The following UNC5A variants were observed in gnomAD, a reference collection of about 807,000 sequenced individuals.
UNC5A encodes unc-5 netrin receptor A, also known as netrin receptor UNC5A.
UNC5A carries 20 observed loss-of-function variants against 87.4 expected under a neutral mutation model. The ratio of observed to expected loss-of-function variants is 0.23; its 90% CI spans 0.16 to 0.33. The LOEUF is 0.33. Among genes scored for constraint, UNC5A ranks in the 10% least tolerant of loss-of-function variants. The pLI, the probability that UNC5A is intolerant of heterozygous loss-of-function variation, is 1.00. For missense variants in UNC5A, 844 were observed against 1,133.4 expected, an observed-to-expected ratio of 0.74 and a Z score of 3.67; for synonymous variants, 438 against 482.3, an observed-to-expected ratio of 0.91 and a Z score of 1.20.
chr5:176,869,821 G>A lies in UNC5A; in HGVS notation c.722-549G>A, dbSNP rs530125166. On this transcript the variant is annotated intron_variant, in intron 5 of 14. Transcript: ENST00000329542. The surrounding 1 kb of genome is among the most constrained non-coding windows in gnomAD (Gnocchi z 9.1). Reference sequence around the variant, plus strand: ...CGCCTCCCGCATCGTTCCTCACCACGCCATCTCCGTGCCCTGGCTCCATCG... The same window carrying A: ...CGCCTCCCGCATCGTTCCTCACCACACCATCTCCGTGCCCTGGCTCCATCG... 6.7e-5 allele frequency: 39 copies of A among 581,262 alleles called. No homozygotes were observed. Among genetic ancestry groups the A allele is most frequent in the African/African-American group, 3.1e-4 (16 of 52,446 alleles). The allele number at this position is 581,262 out of a possible 1,614,324, so 36.0% of individuals were successfully genotyped here.
intron 1 of UNC5A, among the ~76,000 whole-genome samples, chr5:176,826,611 C>A (rs370943369): frequency 1.3e-5 from 2 of 150,858 alleles, no homozygotes; most frequent in African/African-American, 4.9e-5. Context: ...TGTTATGCGA[C>A]CATCACTTCT....
At chr5:176,872,147 C>CA (rs1297249182) in intron 6 of UNC5A, among the ~76,000 whole-genome samples, 8 of 90,666 alleles carry the variant, frequency 8.8e-5, no homozygotes, top group African/African-American at 1.3e-4. Flanking sequence ...ACACTCGCCC[C>CA]ACACCACAGC....
chr5:176,831,885 C>CTCTTTTTTTTT lies in UNC5A; in HGVS notation c.70+21066_70+21067insCTTTTTTTTTT, dbSNP rs1561644956. 8.3e-4 allele frequency among the ~76,000 whole-genome samples: 23 copies of CTCTTTTTTTTT among 27,696 alleles called. 1 individual carries two copies. The highest frequency in any genetic ancestry group is 1.3e-3 in the African/African-American group (22 of 16,532). 18.2% of individuals were successfully genotyped at this position (27,696 alleles called of 152,430 possible). On this transcript the variant is annotated intron_variant, in intron 1 of 14. Coordinates refer to ENST00000329542, the MANE Select transcript of UNC5A (RefSeq NM_133369.3). ...TCACTTTCACACACTTTCTCTCTCT[C>CTCTTTTTTTTT]TTTTTTTTTTTTTTTTTTTTTTTTT...
intron 1 of UNC5A, among the ~76,000 whole-genome samples, chr5:176,843,116 G>A (rs1315388899): frequency 4.0e-5 from 6 of 150,824 alleles, no homozygotes; most frequent in South Asian, 2.1e-4. Flanking sequence ...AGCCGAGATC[G>A]CGTCATTGCA....
At position 176,874,684 on chromosome 5, in the gene UNC5A, G is replaced by A. The variant is rs1758218718; in HGVS notation, c.1378+118G>A. ...CGTGACAGATCAGCAAGGAAAGGGG[G>A]TGGAGTTTTGGGGAGAACCCAGTCT... is the stretch of plus-strand genomic sequence containing the variant. On this transcript the variant is annotated intron_variant, in intron 8 of 14. Transcript: ENST00000329542. This position sits in a 1 kb window ranked among gnomAD's most constrained non-coding sequence, Gnocchi z 7.6. 26 of 1,248,056 alleles carry A rather than the reference G, an allele frequency of 2.1e-5. No individual in the cohort carries two copies. In the South Asian group the frequency reaches 4.4e-4, roughly 21 times the overall value. 77.3% of individuals were successfully genotyped at this position (1,248,056 alleles called of 1,614,324 possible).
chr5:176,849,455 T>G (rs1447553512), intron 1 of UNC5A, among the ~76,000 whole-genome samples: 1 of 152,158 alleles, frequency 6.6e-6, no homozygotes, highest in Non-Finnish European at 1.5e-5. Flanking sequence ...TGTTGTGGCA[T>G]GCACCCATAA....
At chr5:176,812,681 T>C (rs533291087) in intron 1 of UNC5A, among the ~76,000 whole-genome samples, 2 of 152,150 alleles carry the variant, frequency 1.3e-5, no homozygotes, top group Non-Finnish European at 2.9e-5. Flanking sequence ...TGTTGAGGCC[T>C]GGCCCAAGGT....
chr5:176,825,773 A>G (rs2113595649), intron 1 of UNC5A, among the ~76,000 whole-genome samples: 1 of 152,366 alleles, frequency 6.6e-6, no homozygotes, highest in East Asian at 1.9e-4. Context: ...AGAGCCTCAT[A>G]AAGCTTTTAA....
chr5:176,827,077 C>A (rs1423233209), intron 1 of UNC5A, among the ~76,000 whole-genome samples: 1 of 151,602 alleles, frequency 6.6e-6, no homozygotes, highest in Non-Finnish European at 1.5e-5. Flanking sequence ...TAAATGGAAT[C>A]ATGTAATTTG....
In UNC5A at chr5:176,846,563, G is replaced by A. The variant is rs891597729; in HGVS notation, c.71-16061G>A. On this transcript the variant is annotated intron_variant, in intron 1 of 14. Coordinates refer to ENST00000329542, the MANE Select transcript of UNC5A (RefSeq NM_133369.3). ...AGCCCTCCTGGATGCCCCAGATCGG[G>A]CCCCCCAGTTATGTGCTCATGCCAC... is the stretch of plus-strand genomic sequence containing the variant. Among the ~76,000 whole-genome samples the A allele has an allele frequency of 2.0e-5, 3 of 152,078 alleles. No individual in the cohort carries two copies. In the East Asian group the frequency reaches 5.8e-4, roughly 29 times the overall value.
chr5:176,813,636 G>C (rs963589362), intron 1 of UNC5A, among the ~76,000 whole-genome samples: 8 of 152,170 alleles, frequency 5.3e-5, no homozygotes, highest in African/African-American at 1.9e-4. Context: ...GATAGGCATT[G>C]ATCCAGGTAC....
chr5:176,864,635 G>A (rs181801512), intron 2 of UNC5A, among the ~76,000 whole-genome samples: 51 of 152,296 alleles, frequency 3.3e-4, no homozygotes, highest in African/African-American at 1.1e-3. Flanking sequence ...CCACCCCTCC[G>A]TGAGGGTCAG....
Position 176,865,643 on chromosome 5 carries a change from C to T in UNC5A, c.293-2487C>T, listed in dbSNP as rs1451335915. 1 of 456,648 alleles carries T rather than the reference C, an allele frequency of 2.2e-6. No homozygotes were observed. Among genetic ancestry groups the T allele is most frequent in the Non-Finnish European group, 4.4e-6 (1 of 227,018 alleles). The allele number at this position is 456,648 out of a possible 1,614,324, so 28.3% of individuals were successfully genotyped here. ...GGTGAAGAAAAAGGCTTTCCTTACC[C>T]ACGGCAGATACCACGGCAGTGGCGC... On this transcript the variant is annotated intron_variant, in intron 2 of 14. Coordinates refer to ENST00000329542, the MANE Select transcript of UNC5A (RefSeq NM_133369.3). This position sits in a 1 kb window ranked among gnomAD's most constrained non-coding sequence, Gnocchi z 5.3.
At chr5:176,868,356 G>A in intron 3 of UNC5A, 83 bp downstream of exon 3, 1 of 1,587,882 alleles carries the variant, frequency 6.3e-7, no homozygotes. Context: ...TCCTGGAAGA[G>A]GCGGTCCGGT....
rs761349138 is a variant in UNC5A, at chr5:176,869,296, C to T, written c.721+332C>T. 6.6e-6 allele frequency among the ~76,000 whole-genome samples: 1 copy of T among 152,116 alleles called. No homozygotes were observed. The highest frequency in any genetic ancestry group is 1.5e-5 in the Non-Finnish European group (1 of 67,990). The stretch of plus-strand genomic sequence containing the variant: ...AATCAGAAGCCACACAGTCCAGGCA[C>T]CCCCAGGAGCCAGCAGAGGGAGGGT... On this transcript the variant is annotated intron_variant, in intron 5 of 14. Transcript: ENST00000329542. The surrounding 1 kb of genome is among the most constrained non-coding windows in gnomAD (Gnocchi z 9.1).
intron 13 of UNC5A, 146 bp downstream of exon 13, chr5:176,878,785 G>T: frequency 9.0e-7 from 1 of 1,112,822 alleles, no homozygotes; most frequent in Non-Finnish European, 1.3e-6. Flanking sequence ...GAAACCCCTT[G>T]GCAGCTTCCT....
intron 1 of UNC5A, among the ~76,000 whole-genome samples, chr5:176,829,078 G>A (rs1172212336): frequency 1.3e-5 from 2 of 150,156 alleles, no homozygotes; most frequent in Non-Finnish European, 2.9e-5. Flanking sequence ...ATTGCAGTGA[G>A]CGGAGATCGC....
At chr5:176,876,225 G>A (rs1016435003) in intron 8 of UNC5A, among the ~76,000 whole-genome samples, 2 of 152,234 alleles carry the variant, frequency 1.3e-5, no homozygotes, top group Non-Finnish European at 2.9e-5. Flanking sequence ...GTCTGGCATT[G>A]TCACCAACAC....
At chr5:176,873,676 C>G (rs745810208) in intron 6 of UNC5A, among the ~76,000 whole-genome samples, 8 of 152,158 alleles carry the variant, frequency 5.3e-5, no homozygotes, top group Non-Finnish European at 7.4e-5. Flanking sequence ...CCAGGTTATC[C>G]GCTCTGGGGA....
Sources: allele counts gnomAD v4.1 joint callset (sites outside exome capture counted in the v4.1 genomes callset), GRCh38; gene constraint gnomAD v4.1.1; non-coding constraint Gnocchi (gnomAD v3.1); transcripts MANE v1.5; gene names NCBI Gene and HGNC (gene_info 2026-07-23, HGNC 2026-07-21).